LAMA2: variants seen among roughly 807,000 people sequenced by gnomAD.
LAMA2 encodes the protein laminin subunit alpha 2.
Under a neutral mutation model 364.8 loss-of-function variants are expected in LAMA2, and 269 were observed. The ratio of observed to expected loss-of-function variants is 0.74; its 90% confidence interval spans 0.67 to 0.82. LAMA2 has a LOEUF of 0.82. Among genes scored for constraint, LAMA2 ranks in the 40% least tolerant of loss-of-function variants. The pLI is 0.00. For synonymous variants in LAMA2, 1,379 were observed against 1,370.6 expected (o/e 1.01, Z -0.14); for missense variants, 3,807 against 3,873.2 (o/e 0.98, Z 0.45).
At chr6:129,156,176 A>G (rs977614082) in intron 8 of LAMA2, among the ~76,000 whole-genome samples, 1 of 151,304 alleles carries the variant, frequency 6.6e-6, no homozygotes, top group African/African-American at 2.4e-5. Context: ...TATATAATAT[A>G]TATATACAAT....
intron 64 of LAMA2, among the ~76,000 whole-genome samples, chr6:129,515,177 G>A (rs1169744108): frequency 1.3e-5 from 2 of 148,936 alleles, no homozygotes; most frequent in Non-Finnish European, 2.9e-5. Flanking sequence ...TTGATGAGAA[G>A]TAAGCCAAGT....
At chr6:129,482,457 G>A (rs1382673660) in intron 55 of LAMA2, among the ~76,000 whole-genome samples, 1 of 151,920 alleles carries the variant, frequency 6.6e-6, no homozygotes, top group Admixed American at 6.6e-5. Context: ...ATTTAATCTA[G>A]TTTTTCTCAA....
At chr6:129,085,133 T>C (rs936632567) in intron 3 of LAMA2, among the ~76,000 whole-genome samples, 1 of 152,228 alleles carries the variant, frequency 6.6e-6, no homozygotes, top group African/African-American at 2.4e-5. Context: ...TACTTCTGTT[T>C]CCTAAAGATA....
intron 1 of LAMA2, among the ~76,000 whole-genome samples, chr6:129,046,706 T>C (rs1294823370): frequency 1.3e-5 from 2 of 152,230 alleles, no homozygotes; most frequent in African/African-American, 2.4e-5. Flanking sequence ...CATAATCTTA[T>C]ATGTTGAAAC....
intron 1 of LAMA2, among the ~76,000 whole-genome samples, chr6:128,908,174 C>T (rs1777629186): frequency 6.7e-6 from 1 of 149,540 alleles, no homozygotes; most frequent in Non-Finnish European, 1.5e-5. Context: ...AGGATTCCCT[C>T]TTTTTCTATT....
chr6:129,113,463 G>A (rs1776280417), intron 4 of LAMA2, among the ~76,000 whole-genome samples: 1 of 151,950 alleles, frequency 6.6e-6, no homozygotes, highest in African/African-American at 2.4e-5. Context: ...GAATCCTAAG[G>A]CAGACAGAAA....
intron 1 of LAMA2, among the ~76,000 whole-genome samples, chr6:128,895,358 C>A (rs1012275249): frequency 2.7e-5 from 4 of 148,280 alleles, no homozygotes; most frequent in African/African-American, 9.9e-5. Context: ...CATGGCGGGG[C>A]GCGGTGGCTC....
intron 4 of LAMA2, among the ~76,000 whole-genome samples, chr6:129,142,074 A>G (rs921886268): frequency 3.3e-5 from 5 of 152,006 alleles, no homozygotes; most frequent in African/African-American, 1.2e-4. Flanking sequence ...GTTGCAGATA[A>G]TTCATTATGC....
intron 20 of LAMA2, among the ~76,000 whole-genome samples, chr6:129,294,389 G>A (rs1265963905): frequency 6.6e-6 from 1 of 152,102 alleles, no homozygotes; most frequent in Non-Finnish European, 1.5e-5. Flanking sequence ...GATTCTAGAG[G>A]CTGGGAAGTA....
chr6:128,959,440 TCTC>T (rs1781346159), intron 1 of LAMA2, among the ~76,000 whole-genome samples: 1 of 152,146 alleles, frequency 6.6e-6, no homozygotes, highest in Non-Finnish European at 1.5e-5. Flanking sequence ...AAGCATCTCT[TCTC>T]AGAATTTTGA....
chr6:128,965,302 C>T (rs1315364538), intron 1 of LAMA2, among the ~76,000 whole-genome samples: 1 of 151,962 alleles, frequency 6.6e-6, no homozygotes. Context: ...CTCTGTTTGA[C>T]ATCTGGGTGC....
intron 9 of LAMA2, among the ~76,000 whole-genome samples, chr6:129,176,218 T>C (rs1174286368): frequency 6.6e-6 from 1 of 152,126 alleles, no homozygotes; most frequent in African/African-American, 2.4e-5. Flanking sequence ...ATTTAGGCAT[T>C]AATTTTTAGA....
intron 3 of LAMA2, among the ~76,000 whole-genome samples, chr6:129,088,576 C>G (rs1427784150): frequency 6.6e-6 from 1 of 151,286 alleles, no homozygotes; most frequent in African/African-American, 2.4e-5. Flanking sequence ...GGGGGCTGCC[C>G]CCACCTCCCT....
chr6:129,198,622 G>T (rs908848538), intron 12 of LAMA2, among the ~76,000 whole-genome samples: 1 of 152,080 alleles, frequency 6.6e-6, no homozygotes, highest in African/African-American at 2.4e-5. Context: ...CAAGCAAAAC[G>T]TGGGTAAAAC....
rs5879924 is a variant in LAMA2 at position 129,093,293 on chromosome 6, A to AT, written c.397-4865dup. 1.9e-3 allele frequency among the ~76,000 whole-genome samples: 285 copies of AT among 147,278 alleles called. 1 individual carries two copies. Among genetic ancestry groups the AT allele is most frequent in the African/African-American group, 6.8e-3 (273 of 40,330 alleles). On this transcript the variant is annotated intron_variant, in intron 3 of 64. Transcript: ENST00000421865. ...CGTGAGCCACCGTGCCCGGCCGAGG[A>AT]TTTTTTTTTTTTTTTAAATCAAGAC...
At position 129,236,353 on chromosome 6, in the gene LAMA2, TA is replaced by T. The variant is rs1173552731; in HGVS notation, c.1783-13758del. Among the ~76,000 whole-genome samples the T allele has an allele frequency of 5.3e-5, 8 of 152,346 alleles. No homozygotes were observed. The East Asian group carries it at 1.5e-3, about 29-fold the overall frequency. ...TTTCATTTTGTTCTTAAGAAACAAG[TA>T]TTTTTAAAATGAAACATCTGGTTTC... On this transcript the variant is annotated intron_variant, in intron 12 of 64. Coordinates refer to ENST00000421865, the MANE Select transcript of LAMA2 (RefSeq NM_000426.4).
intron 62 of LAMA2, among the ~76,000 whole-genome samples, chr6:129,509,781 G>A (rs984247409): frequency 3.9e-5 from 6 of 152,070 alleles, no homozygotes; most frequent in African/African-American, 9.7e-5. Flanking sequence ...TTGAAGTCCG[G>A]TAATGTAATT....
chr6:129,369,777 T>A, intron 33 of LAMA2, 115 bp from the exon 34 acceptor site: 1 of 860,358 alleles, frequency 1.2e-6, no homozygotes, highest in Non-Finnish European at 2.0e-6. Context: ...TTTCCTTATC[T>A]TTTCTTTGAA....
At chr6:129,067,530 G>C (rs766756006) in intron 3 of LAMA2, among the ~76,000 whole-genome samples, 1 of 152,148 alleles carries the variant, frequency 6.6e-6, no homozygotes, top group Non-Finnish European at 1.5e-5. Flanking sequence ...AATCTCATTA[G>C]TACAGATCAC....
Sources: allele counts gnomAD v4.1 joint callset (sites outside exome capture counted in the v4.1 genomes callset), GRCh38; gene constraint gnomAD v4.1.1; transcripts MANE v1.5; gene names NCBI Gene and HGNC (gene_info 2026-07-23, HGNC 2026-07-21).